Variants in CNTNAP2 observed in about 807,000 individuals in gnomAD.
The protein encoded by CNTNAP2 is contactin-associated protein-like 2.
In CNTNAP2, 98 loss-of-function variants were observed where a neutral mutation model predicts 155.2. That is an observed-to-expected ratio of 0.63 (90% CI 0.54 to 0.75). CNTNAP2 has a LOEUF of 0.75. CNTNAP2 is among the 30% of genes least tolerant of loss of function. The pLI is 0.00. For missense variants in CNTNAP2, 1,727 were observed against 1,688.1 expected (o/e 1.02, Z -0.40); for synonymous variants, 651 against 631.2 (o/e 1.03, Z -0.47).
At position 147,016,199 on chromosome 7, in the gene CNTNAP2, C is replaced by T. The variant is rs542967848; in HGVS notation, c.403-27708C>T. ...AGCTAGCTCTCACAAGTGATGAAAG[C>T]GCGGAAGAACCAGTGAGCACTGTCA... On this transcript the variant is annotated intron_variant, in intron 3 of 23. Transcript: ENST00000361727. Among the ~76,000 whole-genome samples the T allele has an allele frequency of 2.0e-5, 3 of 151,724 alleles. No individual in the cohort carries two copies. The Middle Eastern group carries it at 0.01, about 516-fold the overall frequency.
At chr7:147,816,195 C>T (rs989782200) in intron 13 of CNTNAP2, among the ~76,000 whole-genome samples, 2 of 151,494 alleles carry the variant, frequency 1.3e-5, no homozygotes, top group African/African-American at 4.8e-5. Flanking sequence ...TAGAGAGTGT[C>T]TTTAGCATCT....
At chr7:147,315,083 G>A (rs1011325633) in intron 9 of CNTNAP2, among the ~76,000 whole-genome samples, 2 of 135,714 alleles carry the variant, frequency 1.5e-5, no homozygotes, top group Non-Finnish European at 3.1e-5. Flanking sequence ...ACACTTTAAT[G>A]TCCTTAAGAA....
chr7:147,637,075 A>C (rs1795192976), intron 12 of CNTNAP2, among the ~76,000 whole-genome samples: 1 of 152,132 alleles, frequency 6.6e-6, no homozygotes, highest in Non-Finnish European at 1.5e-5. Flanking sequence ...GAGGGCATAG[A>C]GGCGGGGAGG....
intron 3 of CNTNAP2, among the ~76,000 whole-genome samples, chr7:146,924,810 A>G (rs931883978): frequency 1.3e-5 from 2 of 152,078 alleles, no homozygotes; most frequent in African/African-American, 4.8e-5. Context: ...ATTTGTGCTT[A>G]AGCTATTTCA....
chr7:147,225,077 TA>T (rs1337665823), intron 8 of CNTNAP2, among the ~76,000 whole-genome samples: 3 of 152,202 alleles, frequency 2.0e-5, no homozygotes, highest in East Asian at 1.9e-4. Context: ...TGCAGTTAAG[TA>T]AAACATCCCA....
intron 11 of CNTNAP2, among the ~76,000 whole-genome samples, chr7:147,557,269 A>C (rs1799970047): frequency 6.8e-6 from 1 of 147,922 alleles, no homozygotes; most frequent in Admixed American, 6.7e-5. Flanking sequence ...ATCTCAAAAG[A>C]AAAAAAAAAG....
intron 10 of CNTNAP2, among the ~76,000 whole-genome samples, chr7:147,425,219 A>T: frequency 6.6e-6 from 1 of 151,630 alleles, no homozygotes; most frequent in Middle Eastern, 3.4e-3. Context: ...AACGACAAAA[A>T]AAAAAAATTG....
chr7:146,558,914 T>C (rs546371072), intron 1 of CNTNAP2, among the ~76,000 whole-genome samples: 1 of 152,320 alleles, frequency 6.6e-6, no homozygotes, highest in African/African-American at 2.4e-5. Context: ...CTCTGTTGCC[T>C]GAGTGTGGGA....
intron 14 of CNTNAP2, among the ~76,000 whole-genome samples, chr7:147,920,311 G>T (rs1433951664): frequency 7.5e-6 from 1 of 133,452 alleles, no homozygotes; most frequent in Non-Finnish European, 1.5e-5. Context: ...AGCCGAGATG[G>T]CACCACTGTA....
intron 1 of CNTNAP2, among the ~76,000 whole-genome samples, chr7:146,528,546 G>T (rs1318612128): frequency 6.6e-6 from 1 of 152,108 alleles, no homozygotes; most frequent in Admixed American, 6.6e-5. Flanking sequence ...TAGGCCTAAA[G>T]ACTAAGATGA....
intron 3 of CNTNAP2, among the ~76,000 whole-genome samples, chr7:147,002,946 A>G (rs1485207214): frequency 7.6e-6 from 1 of 131,646 alleles, no homozygotes; most frequent in East Asian, 2.3e-4. Flanking sequence ...GTTCCTTCCA[A>G]AAAAAAAAAA....
intron 1 of CNTNAP2, among the ~76,000 whole-genome samples, chr7:146,525,656 G>T (rs1356159546): frequency 6.6e-6 from 1 of 151,916 alleles, no homozygotes; most frequent in Non-Finnish European, 1.5e-5. Flanking sequence ...TGTAAAATAA[G>T]ATATGTGCTT....
intron 13 of CNTNAP2, among the ~76,000 whole-genome samples, chr7:147,866,969 G>T (rs1281964034): frequency 1.3e-5 from 2 of 152,148 alleles, no homozygotes; most frequent in African/African-American, 2.4e-5. Flanking sequence ...ATATTGTTAT[G>T]TGTGAATTTG....
At chr7:147,222,756 A>G (rs1803432275) in intron 8 of CNTNAP2, among the ~76,000 whole-genome samples, 1 of 150,704 alleles carries the variant, frequency 6.6e-6, no homozygotes, top group Non-Finnish European at 1.5e-5. Flanking sequence ...ATTAGGTCTC[A>G]GTCTCTTAGT....
chr7:147,204,025 G>A (rs187551383), intron 8 of CNTNAP2, among the ~76,000 whole-genome samples: 14 of 152,024 alleles, frequency 9.2e-5, no homozygotes, highest in Admixed American at 2.0e-4. Context: ...ATAAGAGTGT[G>A]TAATGTAAAG....
At chr7:147,753,958 T>C (rs1472146132) in intron 13 of CNTNAP2, among the ~76,000 whole-genome samples, 1 of 152,158 alleles carries the variant, frequency 6.6e-6, no homozygotes, top group Non-Finnish European at 1.5e-5. Flanking sequence ...CAGGCTTTTG[T>C]CCCTCACTTT....
rs1003951384 is a variant in CNTNAP2 at position 146,814,949 on chromosome 7, G to A, written c.209-24762G>A. Among the ~76,000 whole-genome samples, 6 of 152,172 alleles carry A rather than the reference G, an allele frequency of 3.9e-5. No homozygotes were observed. In the South Asian group the frequency reaches 1.2e-3, roughly 32 times the overall value. On this transcript the variant is annotated intron_variant, in intron 2 of 23. Coordinates refer to ENST00000361727, the MANE Select transcript of CNTNAP2 (RefSeq NM_014141.6). ...GATTTATAATAGTTATTGAGAAAAG[G>A]AAAAGAAAATTTATGAATAATAGAA...
At chr7:147,951,549 G>T (rs1800929963) in intron 14 of CNTNAP2, among the ~76,000 whole-genome samples, 1 of 152,174 alleles carries the variant, frequency 6.6e-6, no homozygotes, top group African/African-American at 2.4e-5. Flanking sequence ...AGTCAGAAAT[G>T]AACGTTGTGG....
intron 1 of CNTNAP2, among the ~76,000 whole-genome samples, chr7:146,373,006 G>A (rs1795257324): frequency 6.6e-6 from 1 of 152,122 alleles, no homozygotes; most frequent in Non-Finnish European, 1.5e-5. Flanking sequence ...AAAGGCATGT[G>A]ATAATAAGAA....
Sources: allele counts gnomAD v4.1 joint callset (sites outside exome capture counted in the v4.1 genomes callset), GRCh38; gene constraint gnomAD v4.1.1; transcripts MANE v1.5; gene names NCBI Gene and HGNC (gene_info 2026-07-23, HGNC 2026-07-21).